SH3RF3: variants seen among roughly 807,000 people sequenced by gnomAD.
The protein encoded by SH3RF3 is SH3 domain containing ring finger 3, also known as E3 ubiquitin-protein ligase SH3RF3.
A neutral mutation model predicts 66.3 loss-of-function variants in SH3RF3; 29 were observed. That is an observed-to-expected ratio of 0.44 (90% confidence interval 0.33 to 0.60). The LOEUF (loss-of-function observed/expected upper bound fraction) is 0.60, where lower values mean the gene tolerates loss of function less well. Ranked by LOEUF, SH3RF3 falls within the 20% of genes least tolerant of loss-of-function variation. SH3RF3 has a pLI of 0.04. For synonymous variants in SH3RF3, 583 were observed against 532.0 expected, an observed-to-expected ratio of 1.10 and a Z score of -1.32; for missense variants, 1,194 against 1,190.9, an observed-to-expected ratio of 1.00 and a Z score of -0.04.
At chr2:109,488,125 G>A (rs981756184) in intron 8 of SH3RF3, among the ~76,000 whole-genome samples, 3 of 152,192 alleles carry the variant, frequency 2.0e-5, no homozygotes, top group African/African-American at 7.2e-5. Flanking sequence ...GCTCCGCCGG[G>A]ACACCTGGGG....
chr2:109,161,199 T>TG (rs1478629111), intron 1 of SH3RF3, among the ~76,000 whole-genome samples: 4 of 152,204 alleles, frequency 2.6e-5, no homozygotes, highest in African/African-American at 9.6e-5. Flanking sequence ...AGTTAAATCC[T>TG]GGGGGCAGGT....
rs759428314 is a variant in SH3RF3, at chr2:109,249,467, CTCTT to C, written c.574-98168_574-98165del. 6.0e-5 allele frequency among the ~76,000 whole-genome samples: 6 copies of C among 99,374 alleles called. No homozygotes were observed. In the South Asian group the frequency reaches 2.0e-3, roughly 33 times the overall value. The allele number at this position is 99,374 out of a possible 152,430, so 65.2% of individuals were successfully genotyped here. A position where few individuals can be genotyped will look rare whatever the true frequency, so the allele number is the denominator to read the frequency against. ...CAGATCTCTCTCTCTTTCTCTCTTTCTCTTTCTTTCTTTCTTTCTTTCTTTCTTT... is the reference window on the plus strand; with the variant it reads ...CAGATCTCTCTCTCTTTCTCTCTTTCTCTTTCTTTCTTTCTTTCTTTCTTT... On this transcript the variant is annotated intron_variant, in intron 1 of 9. Transcript: ENST00000309415.
intron 1 of SH3RF3, among the ~76,000 whole-genome samples, chr2:109,252,216 C>T (rs919204807): frequency 2.6e-5 from 4 of 150,988 alleles, no homozygotes; most frequent in Non-Finnish European, 4.4e-5. Flanking sequence ...CCACTGCGCT[C>T]CAGCCCAGGT....
At chr2:109,197,077 T>C (rs1248114994) in intron 1 of SH3RF3, among the ~76,000 whole-genome samples, 2 of 151,918 alleles carry the variant, frequency 1.3e-5, no homozygotes, top group Non-Finnish European at 2.9e-5. Context: ...CACAGAGAGG[T>C]GGAAGAACTG....
intron 1 of SH3RF3, among the ~76,000 whole-genome samples, chr2:109,244,426 G>C (rs1274069278): frequency 6.6e-6 from 1 of 152,168 alleles, no homozygotes; most frequent in Non-Finnish European, 1.5e-5. Context: ...AAAACCATCA[G>C]TACTGATTTT....
chr2:109,416,190 C>T (rs1365493751), intron 4 of SH3RF3, among the ~76,000 whole-genome samples: 2 of 152,220 alleles, frequency 1.3e-5, no homozygotes, highest in Admixed American at 6.5e-5. Context: ...CATTCCCTAA[C>T]AAGACTGCCT....
rs1440642077 is a variant in SH3RF3, at chr2:109,251,448, G to GA, written c.574-96220dup. The GA allele has an allele frequency of 2.4e-4, 172 of 722,186 alleles. 1 individual carries two copies. Among genetic ancestry groups the GA allele is most frequent in the South Asian group, 2.1e-3 (154 of 74,028 alleles). 44.7% of individuals were successfully genotyped at this position (722,186 alleles called of 1,614,324 possible). ...TGAGCAAAGCTCACCCTCCCGAGTT[G>GA]AAAAAATCTATGGACAAGAAGTTGT... On this transcript the variant is annotated intron_variant, in intron 1 of 9. Transcript: ENST00000309415.
chr2:109,241,542 C>CTCCCTCCCACACAACCTTCT (rs1176700239), intron 1 of SH3RF3, among the ~76,000 whole-genome samples: 1 of 152,102 alleles, frequency 6.6e-6, no homozygotes, highest in Non-Finnish European at 1.5e-5. Context: ...ACCATCCGTC[C>CTCCCTCCCACACAACCTTCT]TCCCTCCCAC....
intron 1 of SH3RF3, among the ~76,000 whole-genome samples, chr2:109,257,072 C>T (rs868224563): frequency 2.6e-5 from 4 of 152,096 alleles, no homozygotes; most frequent in African/African-American, 4.8e-5. Flanking sequence ...GTAGGGGCAC[C>T]GTGTATTTCA....
intron 1 of SH3RF3, among the ~76,000 whole-genome samples, chr2:109,131,604 G>A (rs1676698270): frequency 6.6e-6 from 1 of 152,158 alleles, no homozygotes; most frequent in African/African-American, 2.4e-5. Flanking sequence ...GTTTGACCAG[G>A]AGGTTAGGAG....
chr2:109,254,643 T>A (rs1680175887), intron 1 of SH3RF3, among the ~76,000 whole-genome samples: 1 of 152,190 alleles, frequency 6.6e-6, no homozygotes, highest in Non-Finnish European at 1.5e-5. Context: ...TTCTTTGTCT[T>A]CTGCTGGGTT....
intron 1 of SH3RF3, among the ~76,000 whole-genome samples, chr2:109,148,246 C>T (rs1207134647): frequency 6.6e-6 from 1 of 152,222 alleles, no homozygotes; most frequent in Non-Finnish European, 1.5e-5. Flanking sequence ...TATCTGTTTT[C>T]TCTTGTGAGA....
chr2:109,428,500 G>A lies in SH3RF3; in HGVS notation c.1404-4001G>A, dbSNP rs1052828985. Among the ~76,000 whole-genome samples the A allele has an allele frequency of 3.3e-5, 5 of 152,206 alleles. No homozygotes were observed. In the South Asian group the frequency reaches 6.2e-4, roughly 19 times the overall value. The stretch of plus-strand genomic sequence containing the variant: ...GCCTATCTTGTCTGTGCACCGTCCC[G>A]GGTGTGGTGAGCCCCTGGCCCCATG... On this transcript the variant is annotated intron_variant, in intron 5 of 9. Transcript: ENST00000309415.
At chr2:109,158,187 T>C (rs1484210622) in intron 1 of SH3RF3, among the ~76,000 whole-genome samples, 1 of 152,124 alleles carries the variant, frequency 6.6e-6, no homozygotes, top group African/African-American at 2.4e-5. Context: ...GACTGCAAGC[T>C]GTGCTGGGAA....
chr2:109,390,475 G>T (rs1448715754), intron 3 of SH3RF3, among the ~76,000 whole-genome samples: 1 of 151,898 alleles, frequency 6.6e-6, no homozygotes, highest in African/African-American at 2.4e-5. Flanking sequence ...CTTCTGGCAG[G>T]TCTTAATACT....
At chr2:109,359,359 A>G (rs572349367) in intron 2 of SH3RF3, among the ~76,000 whole-genome samples, 1 of 152,338 alleles carries the variant, frequency 6.6e-6, no homozygotes, top group Admixed American at 6.5e-5. Context: ...CAACAAGTTG[A>G]AAAGAACTGA....
At chr2:109,257,424 G>A (rs1680247511) in intron 1 of SH3RF3, among the ~76,000 whole-genome samples, 1 of 151,654 alleles carries the variant, frequency 6.6e-6, no homozygotes. Flanking sequence ...GGGAAGGAAG[G>A]GAGGAAGGGA....
chr2:109,226,141 T>C (rs1390651542), intron 1 of SH3RF3, among the ~76,000 whole-genome samples: 1 of 152,222 alleles, frequency 6.6e-6, no homozygotes, highest in Non-Finnish European at 1.5e-5. Flanking sequence ...GAGGAGGTTG[T>C]CCCCAAATAG....
chr2:109,225,282 G>A (rs1467523039), intron 1 of SH3RF3, among the ~76,000 whole-genome samples: 3 of 152,170 alleles, frequency 2.0e-5, no homozygotes, highest in African/African-American at 4.8e-5. Context: ...CTGGGGATCC[G>A]GCTGAATAGT....
Sources: allele counts gnomAD v4.1 joint callset (sites outside exome capture counted in the v4.1 genomes callset), GRCh38; gene constraint gnomAD v4.1.1; transcripts MANE v1.5; gene names NCBI Gene and HGNC (gene_info 2026-07-23, HGNC 2026-07-21).